The following RBMS2 variants were observed in gnomAD, a reference collection of about 807,000 sequenced individuals.
The protein encoded by RBMS2 is RNA binding motif single stranded interacting protein 2, also known as RNA-binding motif, single-stranded-interacting protein 2.
RBMS2 carries 38 observed loss-of-function variants against 58.4 expected under a neutral mutation model. That is an observed-to-expected ratio of 0.65 (90% CI 0.50 to 0.85). The LOEUF is 0.85. Among genes scored for constraint, RBMS2 ranks in the 40% least tolerant of loss-of-function variants. The pLI is 0.00. For synonymous variants in RBMS2, 151 were observed against 180.7 expected, an observed-to-expected ratio of 0.84 and a Z score of 1.32; for missense variants, 367 against 503.7, an observed-to-expected ratio of 0.73 and a Z score of 2.60.
At chr12:56,566,302 C>A (rs1304494430) in intron 2 of RBMS2, among the ~76,000 whole-genome samples, 1 of 152,184 alleles carries the variant, frequency 6.6e-6, no homozygotes, top group Admixed American at 6.5e-5. Context: ...TTCTCAAATT[C>A]ATTCCCTGAC....
intron 1 of RBMS2, among the ~76,000 whole-genome samples, chr12:56,526,534 T>G (rs1281767306): frequency 6.6e-6 from 1 of 151,672 alleles, no homozygotes; most frequent in East Asian, 1.9e-4. Flanking sequence ...GTTAAATTTT[T>G]TTTTCCTTTC....
chr12:56,522,948 G>C (rs1281936506), intron 1 of RBMS2, among the ~76,000 whole-genome samples: 1 of 152,160 alleles, frequency 6.6e-6, no homozygotes, highest in African/African-American at 2.4e-5. Context: ...TGTTGTAGCT[G>C]TTCTTTGAAG....
At chr12:56,532,566 A>AT (rs201565903) in intron 1 of RBMS2, among the ~76,000 whole-genome samples, 1,317 of 119,180 alleles carry the variant, frequency 0.011, 6 homozygotes, top group Middle Eastern at 0.017. Context: ...AAATAATTAA[A>AT]TTAAAAAAAA....
At chr12:56,535,494 CAAAA>C (rs59905092) in intron 1 of RBMS2, among the ~76,000 whole-genome samples, 4,316 of 97,706 alleles carry the variant, frequency 0.044, 219 homozygotes, top group African/African-American at 0.17. Context: ...GACTCCATCT[CAAAA>C]AAAAAAAAAA....
Position 56,595,984 on chromosome 12 carries a change from C to G in RBMS2, c.*6851C>G, listed in dbSNP as rs1885765505. ...ACAACTGACAAGCACTTTTCTACAGCTGCACTTGTGGAACATCACATGGCA... is the reference window on the plus strand; with the variant it reads ...ACAACTGACAAGCACTTTTCTACAGGTGCACTTGTGGAACATCACATGGCA... On this transcript the variant is annotated 3_prime_UTR_variant, in exon 14 of 14. Transcript: ENST00000262031. The G allele has an allele frequency of 1.3e-5, 2 of 152,700 alleles. No individual in the cohort carries two copies. The highest frequency in any genetic ancestry group is 4.8e-5 in the African/African-American group (2 of 41,460). The allele number at this position is 152,700 out of a possible 1,614,324, so 9.5% of individuals were successfully genotyped here.
intron 9 of RBMS2, among the ~76,000 whole-genome samples, chr12:56,584,108 T>C (rs1307303362): frequency 2.0e-5 from 3 of 152,158 alleles, no homozygotes; most frequent in Non-Finnish European, 4.4e-5. Flanking sequence ...GGGACCATAG[T>C]GTGGGAATCA....
intron 1 of RBMS2, among the ~76,000 whole-genome samples, chr12:56,531,603 C>T (rs1201427976): frequency 1.3e-5 from 2 of 151,362 alleles, no homozygotes; most frequent in Non-Finnish European, 2.9e-5. Flanking sequence ...CTGAGGCGGG[C>T]GGATCAGAGG....
Position 56,591,366 on chromosome 12 carries a change from A to G in RBMS2, c.*2233A>G, listed in dbSNP as rs1200865831. On this transcript the variant is annotated 3_prime_UTR_variant, in exon 14 of 14. Transcript: ENST00000262031. ...CCAGTGCCCCTAGTGTCGACTTTCT[A>G]TGTACATCCTAGGGGTGAGGGAGTG... 1 of 152,130 alleles carries G rather than the reference A, an allele frequency of 6.6e-6. No individual in the cohort carries two copies. Among genetic ancestry groups the G allele is most frequent in the East Asian group, 1.9e-4 (1 of 5,178 alleles). The allele number at this position is 152,130 out of a possible 1,614,324, so 9.4% of individuals were successfully genotyped here. A position where few individuals can be genotyped will look rare whatever the true frequency, so the allele number is the denominator to read the frequency against.
intron 1 of RBMS2, among the ~76,000 whole-genome samples, chr12:56,536,705 C>T (rs1015879436): frequency 1.4e-5 from 2 of 148,066 alleles, no homozygotes; most frequent in Admixed American, 6.8e-5. Flanking sequence ...GTAGCTGGGA[C>T]TACAGGCGTT....
intron 4 of RBMS2, among the ~76,000 whole-genome samples, chr12:56,570,646 C>T (rs573121100): frequency 1.3e-5 from 2 of 152,284 alleles, no homozygotes; most frequent in South Asian, 4.1e-4. Flanking sequence ...GGCGCAATCT[C>T]GGCTCACTGC....
rs1163710295 is a variant in RBMS2 at position 56,591,578 on chromosome 12, C to T, written c.*2445C>T. 1 of 151,992 alleles carries T rather than the reference C, an allele frequency of 6.6e-6. No homozygotes were observed. Among genetic ancestry groups the T allele is most frequent in the Non-Finnish European group, 1.5e-5 (1 of 67,998 alleles). 9.4% of individuals were successfully genotyped at this position (151,992 alleles called of 1,614,324 possible). A position where few individuals can be genotyped will look rare whatever the true frequency, so the allele number is the denominator to read the frequency against. Reference sequence around the variant, plus strand: ...CAGCCCTCAGTCAAGGAAAATATACCATAGCTGCTTTCTTGTCAGTGGCCT... The same window carrying T: ...CAGCCCTCAGTCAAGGAAAATATACTATAGCTGCTTTCTTGTCAGTGGCCT... On this transcript the variant is annotated 3_prime_UTR_variant, in exon 14 of 14. Transcript: ENST00000262031.
At chr12:56,556,802 T>C (rs1879311238) in intron 1 of RBMS2, among the ~76,000 whole-genome samples, 1 of 152,156 alleles carries the variant, frequency 6.6e-6, no homozygotes, top group Non-Finnish European at 1.5e-5. Context: ...ACTTTATCAG[T>C]GATTGAATGG....
At chr12:56,521,226 C>T (rs1485479561), upstream of RBMS2, among the ~76,000 whole-genome samples, 2 of 151,900 alleles carry the variant, frequency 1.3e-5, no homozygotes, top group Non-Finnish European at 1.5e-5. Flanking sequence ...GTCAGGAGTT[C>T]GAGACCAGCC....
chr12:56,524,758 C>T (rs201178068), intron 1 of RBMS2, among the ~76,000 whole-genome samples: 1 of 151,282 alleles, frequency 6.6e-6, no homozygotes, highest in Admixed American at 6.6e-5. Context: ...TGCTCTGTCG[C>T]GCCCAGGCTG....
intron 9 of RBMS2, among the ~76,000 whole-genome samples, chr12:56,582,703 C>T (rs918245048): frequency 2.6e-5 from 4 of 152,192 alleles, no homozygotes; most frequent in African/African-American, 2.4e-5. Flanking sequence ...GCGTCTCCCT[C>T]TGTTGCCCAG....
At chr12:56,574,808 G>C (rs960175574) in intron 5 of RBMS2, among the ~76,000 whole-genome samples, 3 of 152,134 alleles carry the variant, frequency 2.0e-5, no homozygotes, top group Non-Finnish European at 4.4e-5. Context: ...ATTCAAATGA[G>C]ATCTAAATAT....
At chr12:56,537,115 T>G (rs1189111977) in intron 1 of RBMS2, among the ~76,000 whole-genome samples, 1 of 151,942 alleles carries the variant, frequency 6.6e-6, no homozygotes, top group East Asian at 1.9e-4. Context: ...GAGACGAGTT[T>G]TCACCAGGTT....
intron 2 of RBMS2, among the ~76,000 whole-genome samples, chr12:56,567,456 A>AGAAGAAGAAG (rs1881561478): frequency 6.6e-6 from 1 of 151,744 alleles, no homozygotes; most frequent in African/African-American, 2.4e-5. Context: ...AGAAGAAGAA[A>AGAAGAAGAAG]GAAGAAGAAG....
chr12:56,583,393 C>T (rs1424685257), intron 9 of RBMS2, among the ~76,000 whole-genome samples: 1 of 152,112 alleles, frequency 6.6e-6, no homozygotes, highest in Non-Finnish European at 1.5e-5. Context: ...GTGGCTCATA[C>T]CTGTAATCCC....
Sources: allele counts gnomAD v4.1 joint callset (sites outside exome capture counted in the v4.1 genomes callset), GRCh38; gene constraint gnomAD v4.1.1; transcripts MANE v1.5; gene names NCBI Gene and HGNC (gene_info 2026-07-23, HGNC 2026-07-21).